The following PRRC2B variants were observed in gnomAD, a reference collection of about 807,000 sequenced individuals.
PRRC2B encodes the protein protein PRRC2B.
A neutral mutation model predicts 242.3 loss-of-function variants in PRRC2B; 68 were observed. The observed-to-expected ratio is 0.28, with a 90% CI of 0.23 to 0.34. The LOEUF is 0.34. PRRC2B is among the 10% of genes least tolerant of loss of function. PRRC2B has a pLI of 1.00. For synonymous variants in PRRC2B, 1,228 were observed against 1,173.6 expected (o/e 1.05, Z -0.95); for missense variants, 2,835 against 2,954.8 (o/e 0.96, Z 0.94).
intron 1 of PRRC2B, among the ~76,000 whole-genome samples, chr9:131,425,042 C>A (rs148938124): frequency 6.6e-6 from 1 of 152,122 alleles, no homozygotes; most frequent in Non-Finnish European, 1.5e-5. Flanking sequence ...TCTTGGCTCA[C>A]TGCAGCCTCT....
At chr9:131,464,366 A>C (rs1943331588) in intron 11 of PRRC2B, among the ~76,000 whole-genome samples, 1 of 152,180 alleles carries the variant, frequency 6.6e-6, no homozygotes, top group South Asian at 2.1e-4. Context: ...TTCGTGACCC[A>C]GGAATGATCA....
chr9:131,470,651 A>G (rs773767304), intron 13 of PRRC2B, 137 bp from the exon 14 acceptor site: 195 of 662,778 alleles, frequency 2.9e-4, no homozygotes, highest in Middle Eastern at 8.2e-4. Flanking sequence ...GCAGCTGCCC[A>G]TCCCTCCCCT....
chr9:131,475,029 G>C lies in PRRC2B; in HGVS notation c.2900G>C (p.Gly967Ala). 6.2e-7 allele frequency: 1 copy of C among 1,608,354 alleles called. No individual in the cohort carries two copies. The highest frequency in any genetic ancestry group is 8.5e-7 in the Non-Finnish European group (1 of 1,177,378). The change falls in exon 16 of 32, where the codon GGG (glycine) becomes GCG (alanine). Residue 967 changes from glycine (G) to alanine (A), a missense_variant. This residue lies in a region of PRRC2B where 1,536 missense variants were observed against 1,483.1 expected (regional missense o/e 1.04). Coordinates refer to ENST00000683519, the MANE Select transcript of PRRC2B (RefSeq NM_013318.4). ...KELEKIKQEL[G>A]EESTRLAKEK... is the part of the protein sequence containing the mutation. ...CTTGAGAAGATTAAGCAGGAGCTAG[G>C]GGAGGAGAGTACCCGGCTGGCCAAG...
intron 12 of PRRC2B, 76 bp from the exon 13 acceptor site, chr9:131,467,487 T>C: frequency 1.6e-6 from 2 of 1,283,490 alleles, no homozygotes; most frequent in Middle Eastern, 2.7e-4. Context: ...CAGGAAGAAG[T>C]ACTTGTTTGT....
chr9:131,446,991 C>T lies in PRRC2B; in HGVS notation c.856-94C>T. The T allele has an allele frequency of 2.0e-6, 3 of 1,509,738 alleles. No individual in the cohort carries two copies. Among genetic ancestry groups the T allele is most frequent in the Admixed American group, 1.9e-5 (1 of 53,846 alleles). 93.5% of individuals were successfully genotyped at this position (1,509,738 alleles called of 1,614,324 possible). A position where few individuals can be genotyped will look rare whatever the true frequency, so the allele number is the denominator to read the frequency against. On this transcript the variant is annotated intron_variant, in intron 7 of 31. Transcript: ENST00000683519. This position sits in a 1 kb window ranked among gnomAD's most constrained non-coding sequence, Gnocchi z 4.1. ...CCCATGACTTTCCTGTTTCTTTTTC[C>T]CATTTTCCACTTTATAAAACACATT...
chr9:131,491,609 T>C, intron 29 of PRRC2B, 29 bp downstream of exon 29: 1 of 1,579,576 alleles, frequency 6.3e-7, no homozygotes, highest in South Asian at 1.2e-5. Context: ...CCTCTGACCC[T>C]AGGGAGGGGG....
intron 28 of PRRC2B, among the ~76,000 whole-genome samples, chr9:131,490,306 C>T (rs1207202454): frequency 6.6e-6 from 1 of 151,686 alleles, no homozygotes; most frequent in African/African-American, 2.4e-5. Context: ...TGTCTCATCC[C>T]CTCCACACCC....
chr9:131,478,636 G>A lies in PRRC2B; in HGVS notation c.4758+17G>A, dbSNP rs201242049. 5 of 1,437,034 alleles carry A rather than the reference G, an allele frequency of 3.5e-6. No homozygotes were observed. Among genetic ancestry groups the A allele is most frequent in the Middle Eastern group, 2.4e-4 (1 of 4,114 alleles). The allele number at this position is 1,437,034 out of a possible 1,614,324, so 89.0% of individuals were successfully genotyped here. A position where few individuals can be genotyped will look rare whatever the true frequency, so the allele number is the denominator to read the frequency against. On this transcript the variant is annotated intron_variant, in intron 18 of 31. Transcript: ENST00000683519. The stretch of plus-strand genomic sequence containing the variant: ...GCCGTGCAGGTGAGGGGCGGAGGGT[G>A]GGGGGGCATGGGGCTGGAGGGCAGG...
rs1838835034 is a variant in PRRC2B, at chr9:131,447,314, A to G, written c.977+108A>G. On this transcript the variant is annotated intron_variant, in intron 8 of 31. Coordinates refer to ENST00000683519, the MANE Select transcript of PRRC2B (RefSeq NM_013318.4). ...GTGCTGTGTCTCCTGGAGACCACAG[A>G]GAACTTAACCAGCTCAGCGTGGCAG... The G allele has an allele frequency of 1.1e-5, 15 of 1,403,858 alleles. No individual in the cohort carries two copies. The South Asian group carries it at 1.8e-4, about 17-fold the overall frequency. 87.0% of individuals were successfully genotyped at this position (1,403,858 alleles called of 1,614,324 possible). A position where few individuals can be genotyped will look rare whatever the true frequency, so the allele number is the denominator to read the frequency against.
chr9:131,408,574 C>T (rs1489777326), intron 1 of PRRC2B, among the ~76,000 whole-genome samples: 2 of 152,130 alleles, frequency 1.3e-5, no homozygotes. Flanking sequence ...GAGAAGAACC[C>T]AGGTTGAATA....
chr9:131,444,742 A>G (rs1356184679), intron 6 of PRRC2B, among the ~76,000 whole-genome samples: 1 of 152,110 alleles, frequency 6.6e-6, no homozygotes, highest in Admixed American at 6.6e-5. Context: ...CCCCTCCCCC[A>G]GCCCAATTAG....
In PRRC2B at chr9:131,484,716, C is replaced by T. The variant is rs1179364235; in HGVS notation, c.5491C>T (p.Arg1831Trp). 3 of 1,612,510 alleles carry T rather than the reference C, an allele frequency of 1.9e-6. No individual in the cohort carries two copies. Among genetic ancestry groups the T allele is most frequent in the Non-Finnish European group, 2.5e-6 (3 of 1,179,138 alleles). ...AGLTQSIPIL[R>W]RDHHIQRAIG... ...GTTAACACAGAGTATCCCCATCCTGCGGCGGGACCATCACATCCAGAGGGC... is the reference window on the plus strand; with the variant it reads ...GTTAACACAGAGTATCCCCATCCTGTGGCGGGACCATCACATCCAGAGGGC... The change falls in exon 24 of 32, where the codon CGG becomes TGG. Residue 1831 changes from arginine (R) to tryptophan (W), a missense_variant. Arg to Trp is a moderately radical substitution (Grantham distance 101). Coordinates refer to ENST00000683519, the MANE Select transcript of PRRC2B (RefSeq NM_013318.4).
At position 131,444,169 on chromosome 9, in the gene PRRC2B, C is replaced by T. The variant is rs771300670; in HGVS notation, c.470-16C>T. 9.3e-6 allele frequency: 15 copies of T among 1,613,706 alleles called. No homozygotes were observed. Among genetic ancestry groups the T allele is most frequent in the Admixed American group, 8.3e-5 (5 of 59,990 alleles). ...TCCATCTCACTTCCTCCATGTCTAC[C>T]CCGTCTTCTTGACAGGTTTAAGGGG... On this transcript the variant is annotated splice_polypyrimidine_tract_variant and intron_variant, in intron 5 of 31. Transcript: ENST00000683519.
At chr9:131,414,661 C>T (rs917156591) in intron 1 of PRRC2B, among the ~76,000 whole-genome samples, 4 of 151,314 alleles carry the variant, frequency 2.6e-5, no homozygotes, top group African/African-American at 7.3e-5. Context: ...ACCTCTACCT[C>T]CCGGGTTCAA....
At chr9:131,382,651 T>A (rs534922390) in intron 1 of PRRC2B, among the ~76,000 whole-genome samples, 8 of 151,876 alleles carry the variant, frequency 5.3e-5, no homozygotes, top group Admixed American at 2.6e-4. Context: ...CCTTTTTTTT[T>A]TTTGGAGACA....
rs549407726 is a variant in PRRC2B at position 131,495,949 on chromosome 9, G to T, written c.*75G>T. The T allele has an allele frequency of 4.5e-6, 7 of 1,561,038 alleles. No homozygotes were observed. The highest frequency in any genetic ancestry group is 6.1e-6 in the Non-Finnish European group (7 of 1,148,970). On this transcript the variant is annotated 3_prime_UTR_variant, in exon 32 of 32. Coordinates refer to ENST00000683519, the MANE Select transcript of PRRC2B (RefSeq NM_013318.4). Reference sequence around the variant, plus strand: ...TGCGGCCTCGACACAGCCGACACTCGGGAGCCTCACCAGATCCACCGTCCA... The same window carrying T: ...TGCGGCCTCGACACAGCCGACACTCTGGAGCCTCACCAGATCCACCGTCCA...
intron 14 of PRRC2B, among the ~76,000 whole-genome samples, chr9:131,471,790 T>C (rs763856260): frequency 6.6e-6 from 1 of 152,254 alleles, no homozygotes; most frequent in Non-Finnish European, 1.5e-5. Context: ...ATGGCAATTC[T>C]TTTTTAACAT....
chr9:131,379,755 A>G (rs1378978509), intron 1 of PRRC2B, among the ~76,000 whole-genome samples: 1 of 149,602 alleles, frequency 6.7e-6, no homozygotes, highest in African/African-American at 2.5e-5. Context: ...CCTCCTGAGT[A>G]GCTGGGATTA....
At chr9:131,491,372 G>T in intron 28 of PRRC2B, 53 bp from the exon 29 acceptor site, 1 of 1,505,016 alleles carries the variant, frequency 6.6e-7, no homozygotes, top group Non-Finnish European at 8.9e-7. Context: ...TGGTGCGTTT[G>T]GGGTTTCTCC....
Sources: allele counts gnomAD v4.1 joint callset (sites outside exome capture counted in the v4.1 genomes callset), GRCh38; gene constraint gnomAD v4.1.1; regional missense constraint gnomAD v4.1.1; non-coding constraint Gnocchi (gnomAD v3.1); transcripts MANE v1.5; gene names NCBI Gene and HGNC (gene_info 2026-07-23, HGNC 2026-07-21).